The following ANO2 variants were observed in gnomAD, a reference collection of about 807,000 sequenced individuals.
ANO2 encodes anoctamin 2, also known as anoctamin-2.
Under a neutral mutation model 124.2 loss-of-function variants are expected in ANO2, and 101 were observed. That is an observed-to-expected ratio of 0.81 (90% CI 0.69 to 0.96). The LOEUF (loss-of-function observed/expected upper bound fraction) is 0.96, where lower values mean the gene tolerates loss of function less well. ANO2 is among the 40% of genes least tolerant of loss of function. The probability of loss-of-function intolerance (pLI) is 0.00; values close to 1 mark genes in which losing one functional copy is unlikely to be tolerated. For missense variants in ANO2, 1,293 were observed against 1,274.5 expected (o/e 1.01, Z -0.22); for synonymous variants, 486 against 482.5 (o/e 1.01, Z -0.09).
rs1373923220 is a variant in ANO2, at chr12:5,908,849, A to G, written c.534+12191T>C. The stretch of plus-strand genomic sequence containing the variant: ...CACAGAATAGGGAAGGCAGGGAATA[A>G]GTGGGGTGCACCATTGCTTGTATTG... On this transcript the variant is annotated intron_variant, in intron 3 of 24. Transcript: ENST00000682330. The surrounding 1 kb of genome is among the most constrained non-coding windows in gnomAD (Gnocchi z 4.7). Among the ~76,000 whole-genome samples, 3 of 152,178 alleles carry G rather than the reference A, an allele frequency of 2.0e-5. No individual in the cohort carries two copies. The highest frequency in any genetic ancestry group is 7.2e-5 in the African/African-American group (3 of 41,446).
chr12:5,720,253 G>A (rs778947893), intron 14 of ANO2, among the ~76,000 whole-genome samples: 3 of 152,262 alleles, frequency 2.0e-5, no homozygotes, highest in Non-Finnish European at 2.9e-5. Context: ...GGGCAATCCC[G>A]TCAGTTTTCT....
Position 5,932,025 on chromosome 12 carries a change from G to A in ANO2, c.23-9221C>T, listed in dbSNP as rs79221599. ...TAATAAGGAAAGAAGGCAGACGAGT[G>A]AGGAAAGAAGACAGAAAAGGAAGGA... On this transcript the variant is annotated intron_variant, in intron 1 of 24. Transcript: ENST00000682330. 5.0e-3 allele frequency among the ~76,000 whole-genome samples: 265 copies of A among 52,578 alleles called. 1 individual carries two copies. The highest frequency in any genetic ancestry group is 6.5e-3 in the Admixed American group (26 of 3,978). The allele number at this position is 52,578 out of a possible 152,430, so 34.5% of individuals were successfully genotyped here. A position where few individuals can be genotyped will look rare whatever the true frequency, so the allele number is the denominator to read the frequency against.
intron 16 of ANO2, among the ~76,000 whole-genome samples, chr12:5,621,051 T>C (rs999153356): frequency 1.3e-5 from 2 of 152,146 alleles, no homozygotes; most frequent in African/African-American, 4.8e-5. Context: ...GAGACAATTC[T>C]GAGGCCCAGT....
At chr12:5,637,536 T>G (rs1946088192) in intron 15 of ANO2, among the ~76,000 whole-genome samples, 1 of 88,996 alleles carries the variant, frequency 1.1e-5, no homozygotes, top group African/African-American at 3.7e-5. Context: ...AAGAACACTC[T>G]TTGCTACTCA....
intron 1 of ANO2, among the ~76,000 whole-genome samples, chr12:5,937,393 T>G (rs981242015): frequency 1.3e-5 from 2 of 152,236 alleles, no homozygotes; most frequent in Non-Finnish European, 2.9e-5. Flanking sequence ...ATTTGCCTAT[T>G]TTTTAATTAG....
chr12:5,753,855 C>G (rs1696634607), intron 10 of ANO2, among the ~76,000 whole-genome samples: 1 of 152,022 alleles, frequency 6.6e-6, no homozygotes, highest in South Asian at 2.1e-4. Context: ...TTACTTCTTC[C>G]TTTCCAATTT....
At position 5,635,208 on chromosome 12, in the gene ANO2, A is replaced by AC. The variant is rs1192039637; in HGVS notation, c.1759dup (p.Val587GlyfsTer20). 1.2e-6 allele frequency: 2 copies of AC among 1,610,474 alleles called. No individual in the cohort carries two copies. Among genetic ancestry groups the AC allele is most frequent in the South Asian group, 2.2e-5 (2 of 90,402 alleles). On this transcript the variant is annotated frameshift_variant, in exon 16 of 25. Coordinates refer to ENST00000682330, the MANE Select transcript of ANO2 (RefSeq NM_001364791.2). LOFTEE classifies it high-confidence loss of function. The surrounding 1 kb of genome is among the most constrained non-coding windows in gnomAD (Gnocchi z 5.2). ...GTAGATCTCGTCCAGGATGAGGATGACCACGAGGTTGATGATGACTGCTGT... is the reference window on the plus strand; with the variant it reads ...GTAGATCTCGTCCAGGATGAGGATGACCCACGAGGTTGATGATGACTGCTGT...
At chr12:5,823,104 A>C (rs555005771) in intron 7 of ANO2, among the ~76,000 whole-genome samples, 1 of 152,228 alleles carries the variant, frequency 6.6e-6, no homozygotes, top group African/African-American at 2.4e-5. Flanking sequence ...GCAGGGGGAC[A>C]CAGCCAAACC....
intron 3 of ANO2, among the ~76,000 whole-genome samples, chr12:5,873,397 T>G (rs571064893): frequency 6.6e-6 from 1 of 152,248 alleles, no homozygotes; most frequent in African/African-American, 2.4e-5. Context: ...GACAAATGAA[T>G]CTGGGACTCT....
rs1396089168 is a variant in ANO2 at position 5,599,638 on chromosome 12, G to T, written c.2088-9C>A. The T allele has an allele frequency of 9.3e-6, 15 of 1,613,190 alleles. No homozygotes were observed. Among genetic ancestry groups the T allele is most frequent in the Non-Finnish European group, 1.3e-5 (15 of 1,179,696 alleles). On this transcript the variant is annotated splice_polypyrimidine_tract_variant and intron_variant, in intron 19 of 24. Coordinates refer to ENST00000682330, the MANE Select transcript of ANO2 (RefSeq NM_001364791.2). ...ATAGTTTCTTTAGCTTCCTGGAAAA[G>T]AAATGGATTAAGTTACAAAAAGCCT...
intron 19 of ANO2, among the ~76,000 whole-genome samples, chr12:5,608,557 C>A (rs1247284368): frequency 1.3e-5 from 2 of 152,058 alleles, no homozygotes; most frequent in Admixed American, 6.6e-5. Flanking sequence ...CTTGAAGACA[C>A]CTTACATATG....
chr12:5,932,942 C>A (rs1942486150), intron 1 of ANO2, among the ~76,000 whole-genome samples: 1 of 152,166 alleles, frequency 6.6e-6, no homozygotes, highest in African/African-American at 2.4e-5. Context: ...GGAAAGGAGA[C>A]TCCAGGAAGA....
chr12:5,751,897 C>T (rs541285958), intron 10 of ANO2, among the ~76,000 whole-genome samples: 4 of 150,712 alleles, frequency 2.7e-5, no homozygotes, highest in African/African-American at 9.9e-5. Flanking sequence ...CTCTCTGCAG[C>T]CCCTGTTAAC....
chr12:5,591,215 G>A (rs1943379775), intron 20 of ANO2, among the ~76,000 whole-genome samples: 1 of 152,170 alleles, frequency 6.6e-6, no homozygotes, highest in African/African-American at 2.4e-5. Context: ...TTACTGCTAT[G>A]CACACGGGGA....
At chr12:5,732,442 AC>A in intron 14 of ANO2, 77 bp downstream of exon 14, 1 of 1,267,474 alleles carries the variant, frequency 7.9e-7, no homozygotes, top group Non-Finnish European at 1.1e-6. Context: ...GTCTCCCTTC[AC>A]TAAGGCGTGC....
At chr12:5,631,592 C>T (rs3782605) in intron 16 of ANO2, among the ~76,000 whole-genome samples, 49,940 of 152,050 alleles carry the variant, frequency 0.33, 8,713 homozygotes, top group East Asian at 0.49. Context: ...ATGGATGAAC[C>T]CAGAAACAGA....
intron 13 of ANO2, among the ~76,000 whole-genome samples, chr12:5,735,978 G>C (rs1950844727): frequency 6.6e-6 from 1 of 152,258 alleles, no homozygotes; most frequent in Admixed American, 6.5e-5. Context: ...AAGAGGCCCA[G>C]GGTATTCCTG....
chr12:5,798,471 G>T (rs890414528), intron 10 of ANO2, among the ~76,000 whole-genome samples: 1 of 152,032 alleles, frequency 6.6e-6, no homozygotes, highest in Non-Finnish European at 1.5e-5. Context: ...CTCTAGACTC[G>T]ATTCTCCTGG....
At chr12:5,796,780 C>A (rs1403418990) in intron 10 of ANO2, among the ~76,000 whole-genome samples, 1 of 152,346 alleles carries the variant, frequency 6.6e-6, no homozygotes, top group East Asian at 1.9e-4. Flanking sequence ...AACGGTGTCT[C>A]AAACCCCAAG....
Sources: allele counts gnomAD v4.1 joint callset (sites outside exome capture counted in the v4.1 genomes callset), GRCh38; gene constraint gnomAD v4.1.1; non-coding constraint Gnocchi (gnomAD v3.1); transcripts MANE v1.5; gene names NCBI Gene and HGNC (gene_info 2026-07-23, HGNC 2026-07-21).